ISG20: variants seen among roughly 807,000 people sequenced by gnomAD.
ISG20 encodes the protein interferon-stimulated gene 20 kDa protein.
In ISG20, 8 loss-of-function variants were observed where a neutral mutation model predicts 11.1. That is an observed-to-expected ratio of 0.72 (90% confidence interval 0.42 to 1.30). The LOEUF is 1.30. Ranked by LOEUF, ISG20 falls within the 50% of genes most tolerant of loss-of-function variation. ISG20 has a pLI of 0.01. For synonymous variants in ISG20, 110 were observed against 101.7 expected, an observed-to-expected ratio of 1.08 and a Z score of -0.49; for missense variants, 243 against 250.2, an observed-to-expected ratio of 0.97 and a Z score of 0.19.
At chr15:88,653,943 CTGGG>C (rs2058331192) in intron 3 of ISG20, among the ~76,000 whole-genome samples, 2 of 152,192 alleles carry the variant, frequency 1.3e-5, no homozygotes, top group Non-Finnish European at 2.9e-5. Flanking sequence ...GTGGAGGGTG[CTGGG>C]CACAGTTCTC....
intron 2 of ISG20, among the ~76,000 whole-genome samples, chr15:88,641,236 G>A (rs1229711680): frequency 6.6e-6 from 1 of 152,138 alleles, no homozygotes. Context: ...CTGACCTCAG[G>A]TGATCCGCCC....
At position 88,639,880 on chromosome 15, in the gene ISG20, G is replaced by A. The variant is rs146123747; in HGVS notation, c.228+286G>A. On this transcript the variant is annotated intron_variant, in intron 2 of 3. Transcript: ENST00000306072. The surrounding 1 kb of genome is among the most constrained non-coding windows in gnomAD (Gnocchi z 4.2). Reference sequence around the variant, plus strand: ...ACTGAGTTCCCCCACACAGTGACTTGGGGTCTACATTCCCCATTCTTCCCT... The same window carrying A: ...ACTGAGTTCCCCCACACAGTGACTTAGGGTCTACATTCCCCATTCTTCCCT... 3.3e-4 allele frequency among the ~76,000 whole-genome samples: 50 copies of A among 152,316 alleles called. No homozygotes were observed. The East Asian group carries it at 8.3e-3, about 25-fold the overall frequency.
chr15:88,642,908 A>C (rs1438729628), intron 2 of ISG20, among the ~76,000 whole-genome samples: 1 of 151,294 alleles, frequency 6.6e-6, no homozygotes, highest in Non-Finnish European at 1.5e-5. Context: ...GAGCCACTGC[A>C]TCTGGCTGAA....
intron 3 of ISG20, among the ~76,000 whole-genome samples, chr15:88,653,493 G>A (rs1213323402): frequency 6.6e-6 from 1 of 152,166 alleles, no homozygotes; most frequent in Admixed American, 6.6e-5. Context: ...GGCTGAGTCT[G>A]GGCCTGTTAG....
chr15:88,642,621 TTTG>T (rs34579586), intron 2 of ISG20, among the ~76,000 whole-genome samples: 1 of 151,694 alleles, frequency 6.6e-6, no homozygotes, highest in Non-Finnish European at 1.5e-5. Flanking sequence ...CACTGGATTT[TTTG>T]TTGTTGTTTT....
chr15:88,652,964 C>T (rs534726665), intron 3 of ISG20, among the ~76,000 whole-genome samples: 6 of 151,934 alleles, frequency 3.9e-5, no homozygotes, highest in South Asian at 2.1e-4. Context: ...GCACTGATTC[C>T]GCAGCACTTC....
chr15:88,650,268 T>C lies in ISG20; in HGVS notation c.229-1842T>C. The C allele has an allele frequency of 6.5e-7, 1 of 1,535,606 alleles. No homozygotes were observed. The highest frequency in any genetic ancestry group is 8.7e-7 in the Non-Finnish European group (1 of 1,146,876). Reference sequence around the variant, plus strand: ...CCCATCCTCTCCAACGGCAGCTGAGTGAAAGCAAGCTGACTGGCCTGTGTG... The same window carrying C: ...CCCATCCTCTCCAACGGCAGCTGAGCGAAAGCAAGCTGACTGGCCTGTGTG... On this transcript the variant is annotated intron_variant, in intron 2 of 3. Coordinates refer to ENST00000306072, the MANE Select transcript of ISG20 (RefSeq NM_002201.6). This position sits in a 1 kb window ranked among gnomAD's most constrained non-coding sequence, Gnocchi z 4.0.
In ISG20 at chr15:88,652,189, GC is replaced by G. The variant is rs762967602; in HGVS notation, c.309del (p.Ser103ArgfsTer31). 1.1e-5 allele frequency: 18 copies of G among 1,614,084 alleles called. No homozygotes were observed. In the Admixed American group the frequency reaches 1.5e-4, roughly 13 times the overall value. On this transcript the variant is annotated frameshift_variant, in exon 3 of 4. Coordinates refer to ENST00000306072, the MANE Select transcript of ISG20 (RefSeq NM_002201.6). LOFTEE classifies it high-confidence loss of function. ...TTCCAGGCACTGAAAGAGGACATGA[GC>G]GGCTACACAATCTACGACACGTCCA... ...HDFQALKEDM[S>X]GYTIYDTSTD...
chr15:88,655,371 A>T, intron 3 of ISG20, 44 bp from the exon 4 acceptor site: 1 of 1,570,866 alleles, frequency 6.4e-7, no homozygotes, highest in Non-Finnish European at 8.8e-7. Flanking sequence ...GGGCCTCTGA[A>T]TTCAGCCTCA....
upstream of ISG20, chr15:88,636,140 G>C (rs995228477): frequency 6.6e-6 from 1 of 152,254 alleles, no homozygotes; most frequent in Admixed American, 6.5e-5. Flanking sequence ...CAGAGTGGCC[G>C]ACTTGTACCT....
At chr15:88,647,289 T>C (rs1567118744) in intron 2 of ISG20, 2 of 152,190 alleles carry the variant, frequency 1.3e-5, no homozygotes. Flanking sequence ...ACATTACTTT[T>C]ATAATGTAAG....
chr15:88,655,566 C>T lies in ISG20; in HGVS notation c.*35C>T. Reference sequence around the variant, plus strand: ...CAGCCCGTTCCGCAGGGACTAGAGGCTTTCGGCTTTTTGGGACAGCAACTA... The same window carrying T: ...CAGCCCGTTCCGCAGGGACTAGAGGTTTTCGGCTTTTTGGGACAGCAACTA... On this transcript the variant is annotated 3_prime_UTR_variant, in exon 4 of 4. Transcript: ENST00000306072. The T allele has an allele frequency of 6.6e-7, 1 of 1,517,838 alleles. No individual in the cohort carries two copies. Among genetic ancestry groups the T allele is most frequent in the East Asian group, 2.3e-5 (1 of 44,104 alleles). The allele number at this position is 1,517,838 out of a possible 1,614,324, so 94.0% of individuals were successfully genotyped here.
chr15:88,646,692 C>T (rs1273724016), intron 2 of ISG20, among the ~76,000 whole-genome samples: 3 of 152,188 alleles, frequency 2.0e-5, no homozygotes, highest in African/African-American at 7.2e-5. Flanking sequence ...CCTAACAGCC[C>T]TTTTATGAGA....
rs62023331 is a variant in ISG20 at position 88,639,235 on chromosome 15, C to T, written c.-24-108C>T. The T allele has an allele frequency of 0.28, 189,621 of 669,556 alleles. 28,986 individuals are homozygous for T. The highest frequency in any genetic ancestry group is 0.5 in the East Asian group (18,243 of 36,712). The allele number at this position is 669,556 out of a possible 1,614,324, so 41.5% of individuals were successfully genotyped here. ...AGCTTCCACTGTGGCCAGGTGGTGT[C>T]GGAAACAAAGGGCAGGGCGGAGGGT... On this transcript the variant is annotated intron_variant, in intron 1 of 3. Transcript: ENST00000306072. The surrounding 1 kb of genome is among the most constrained non-coding windows in gnomAD (Gnocchi z 4.2).
Position 88,639,165 on chromosome 15 carries a change from G to C in ISG20, c.-25+89G>C. On this transcript the variant is annotated intron_variant, in intron 1 of 3. Coordinates refer to ENST00000306072, the MANE Select transcript of ISG20 (RefSeq NM_002201.6). The surrounding 1 kb of genome is among the most constrained non-coding windows in gnomAD (Gnocchi z 4.2). Reference sequence around the variant, plus strand: ...CTGCGGGGCAGGCCAGAGGCCCTGGGACACACGGGCAGGGTAAGGCAGGGG... The same window carrying C: ...CTGCGGGGCAGGCCAGAGGCCCTGGCACACACGGGCAGGGTAAGGCAGGGG... 1 of 596,230 alleles carries C rather than the reference G, an allele frequency of 1.7e-6. No individual in the cohort carries two copies. The highest frequency in any genetic ancestry group is 2.0e-5 in the South Asian group (1 of 49,884). 36.9% of individuals were successfully genotyped at this position (596,230 alleles called of 1,614,324 possible). A position where few individuals can be genotyped will look rare whatever the true frequency, so the allele number is the denominator to read the frequency against.
upstream of ISG20, chr15:88,638,932 C>A (rs979561113): frequency 6.5e-5 from 14 of 214,178 alleles, no homozygotes; most frequent in Non-Finnish European, 1.1e-4. Context: ...CCTGACTTCA[C>A]TTGATAACAA....
At chr15:88,644,989 C>T (rs1397394998) in intron 2 of ISG20, among the ~76,000 whole-genome samples, 2 of 152,234 alleles carry the variant, frequency 1.3e-5, no homozygotes, top group East Asian at 3.8e-4. Flanking sequence ...ACGCCTCAGT[C>T]TTCATCCACA....
In ISG20 at chr15:88,643,533, A is replaced by G. The variant is rs149705243; in HGVS notation, c.228+3939A>G. Among the ~76,000 whole-genome samples the G allele has an allele frequency of 4.3e-3, 651 of 152,098 alleles. 8 individuals are homozygous for G. The highest frequency in any genetic ancestry group is 0.014 in the African/African-American group (601 of 41,492). On this transcript the variant is annotated intron_variant, in intron 2 of 3. Transcript: ENST00000306072. This position sits in a 1 kb window ranked among gnomAD's most constrained non-coding sequence, Gnocchi z 4.4. ...AGCCTGGCCAACATGGTGAAAACCCATCTCTACTGAAAATGCAAAAATTAG... is the reference window on the plus strand; with the variant it reads ...AGCCTGGCCAACATGGTGAAAACCCGTCTCTACTGAAAATGCAAAAATTAG...
At chr15:88,646,373 C>T (rs1469188508) in intron 2 of ISG20, among the ~76,000 whole-genome samples, 1 of 152,200 alleles carries the variant, frequency 6.6e-6, no homozygotes, top group Non-Finnish European at 1.5e-5. Flanking sequence ...AGGGATAGAG[C>T]AGAGACTCAG....
Sources: allele counts gnomAD v4.1 joint callset (sites outside exome capture counted in the v4.1 genomes callset), GRCh38; gene constraint gnomAD v4.1.1; non-coding constraint Gnocchi (gnomAD v3.1); transcripts MANE v1.5; gene names NCBI Gene and HGNC (gene_info 2026-07-23, HGNC 2026-07-21).